TRAF2: variants seen among roughly 807,000 people sequenced by gnomAD.
The protein encoded by TRAF2 is TNF receptor associated factor 2, also known as TNF receptor-associated factor 2.
A neutral mutation model predicts 55.6 loss-of-function variants in TRAF2; 6 were observed. The ratio of observed to expected loss-of-function variants is 0.11; its 90% CI spans 0.06 to 0.21. The LOEUF is 0.21. Ranked by LOEUF, TRAF2 falls within the 10% of genes least tolerant of loss-of-function variation. TRAF2 has a pLI of 1.00. For missense variants in TRAF2, 561 were observed against 684.5 expected (o/e 0.82, Z 2.01); for synonymous variants, 329 against 276.3 (o/e 1.19, Z -1.89).
At chr9:136,900,080 T>C (rs1035340452) in intron 3 of TRAF2, among the ~76,000 whole-genome samples, 8 of 151,580 alleles carry the variant, frequency 5.3e-5, no homozygotes, top group Non-Finnish European at 1.0e-4. Flanking sequence ...AGTGGGAGGA[T>C]TGCTTGAGGC....
At chr9:136,924,472 G>A (rs1850472480) in intron 10 of TRAF2, among the ~76,000 whole-genome samples, 1 of 152,040 alleles carries the variant, frequency 6.6e-6, no homozygotes, top group African/African-American at 2.4e-5. Context: ...TAAGGCAGGA[G>A]CATTGCTTGA....
chr9:136,885,460 G>A (rs934589897), upstream of TRAF2, among the ~76,000 whole-genome samples: 4 of 152,168 alleles, frequency 2.6e-5, no homozygotes, highest in African/African-American at 7.2e-5. Flanking sequence ...CCCCCATGCA[G>A]CCCACAGGAC....
chr9:136,904,377 T>C (rs1454212289), intron 4 of TRAF2, among the ~76,000 whole-genome samples: 1 of 152,016 alleles, frequency 6.6e-6, no homozygotes, highest in African/African-American at 2.4e-5. Flanking sequence ...GCCATTTTAC[T>C]ATGTTTTAAA....
chr9:136,883,331 G>A (rs1354509910), upstream of TRAF2, among the ~76,000 whole-genome samples: 3 of 152,188 alleles, frequency 2.0e-5, no homozygotes, highest in African/African-American at 7.2e-5. Flanking sequence ...GTGGGCATTT[G>A]CCAAGCTTGG....
chr9:136,922,609 GGACGAGGAT>G, intron 9 of TRAF2: 1 of 157,274 alleles, frequency 6.4e-6, no homozygotes, highest in African/African-American at 2.4e-5. Context: ...GCACGGTGGA[GGACGAGGAT>G]GGGGAGGATG....
At chr9:136,883,272 C>G (rs1480835398), upstream of TRAF2, among the ~76,000 whole-genome samples, 5 of 152,134 alleles carry the variant, frequency 3.3e-5, no homozygotes, top group African/African-American at 9.7e-5. Context: ...TACTCTGAGA[C>G]TGGGCGGCAC....
At position 136,911,975 on chromosome 9, in the gene TRAF2, G is replaced by A. The variant is rs535205295; in HGVS notation, c.603+1981G>A. Among the ~76,000 whole-genome samples the A allele has an allele frequency of 4.5e-3, 661 of 147,284 alleles. 5 individuals are homozygous for A. Among genetic ancestry groups the A allele is most frequent in the African/African-American group, 0.016 (628 of 39,532 alleles). On this transcript the variant is annotated intron_variant, in intron 6 of 10. Coordinates refer to ENST00000247668, the MANE Select transcript of TRAF2 (RefSeq NM_021138.4). ...CGCCATTCTCCTGCCTCAGCCTCCC[G>A]AGTAGCTGGGACTACAGGCGCCTGC...
At chr9:136,916,458 GTGTC>G (rs1850243946) in intron 6 of TRAF2, 79 bp from the exon 7 acceptor site, 1 of 1,408,338 alleles carries the variant, frequency 7.1e-7, no homozygotes, top group South Asian at 1.2e-5. Flanking sequence ...TGTAACCTCT[GTGTC>G]AGTCAGTGTG....
intron 1 of TRAF2, chr9:136,890,256 G>A (rs988223236): frequency 2.4e-4 from 37 of 152,386 alleles, no homozygotes; most frequent in African/African-American, 8.2e-4. Context: ...TGGCACTTTT[G>A]TTTTTAGCTG....
chr9:136,907,549 G>C (rs1849983563), intron 4 of TRAF2, among the ~76,000 whole-genome samples: 2 of 152,238 alleles, frequency 1.3e-5, no homozygotes, highest in Admixed American at 1.3e-4. Context: ...TGGCTTCCTG[G>C]TGCTGGAGGC....
chr9:136,926,118 G>T lies in TRAF2; in HGVS notation c.*217G>T, dbSNP rs746360575. The T allele has an allele frequency of 4.0e-6, 3 of 747,386 alleles. No homozygotes were observed. Among genetic ancestry groups the T allele is most frequent in the Admixed American group, 1.8e-5 (1 of 55,148 alleles). 46.3% of individuals were successfully genotyped at this position (747,386 alleles called of 1,614,324 possible). A position where few individuals can be genotyped will look rare whatever the true frequency, so the allele number is the denominator to read the frequency against. ...AGACTGCGGAGGGGCTTGGCAGACG[G>T]TCTTAGCCAAGGGCTGTGGTGGCAT... On this transcript the variant is annotated 3_prime_UTR_variant, in exon 11 of 11. Transcript: ENST00000247668.
intron 4 of TRAF2, among the ~76,000 whole-genome samples, chr9:136,904,225 A>G (rs973850029): frequency 3.3e-5 from 5 of 152,114 alleles, no homozygotes; most frequent in African/African-American, 1.2e-4. Flanking sequence ...ATTTTTAGAA[A>G]TAGAGTCTCG....
chr9:136,886,506 G>C, upstream of TRAF2: 1 of 999,004 alleles, frequency 1.0e-6, no homozygotes, highest in Non-Finnish European at 1.2e-6. Context: ...CGGTAGCTGG[G>C]CGGGCCCTTA....
chr9:136,887,146 C>G (rs1018922939), intron 1 of TRAF2, among the ~76,000 whole-genome samples: 23 of 152,126 alleles, frequency 1.5e-4, no homozygotes, highest in Non-Finnish European at 2.9e-4. Flanking sequence ...CCTCTGGCTG[C>G]TGGGAGGGTC....
At chr9:136,890,207 G>C (rs1322204585) in intron 1 of TRAF2, 1 of 151,752 alleles carries the variant, frequency 6.6e-6, no homozygotes, top group African/African-American at 2.4e-5. Context: ...ATGTGTGAGA[G>C]TCCCCACCAC....
chr9:136,920,620 A>G (rs1850362050), intron 8 of TRAF2, 105 bp downstream of exon 8: 4 of 1,384,044 alleles, frequency 2.9e-6, no homozygotes, highest in Non-Finnish European at 3.8e-6. Context: ...GAGCCCGGAC[A>G]ATGTAGAACT....
intron 1 of TRAF2, among the ~76,000 whole-genome samples, chr9:136,890,191 C>CA (rs1849551971): frequency 2.0e-5 from 3 of 151,776 alleles, no homozygotes; most frequent in Admixed American, 2.0e-4. Flanking sequence ...TTCAGTCGGT[C>CA]ACCGCATGTG....
chr9:136,898,701 G>A lies in TRAF2; in HGVS notation c.-28-12G>A, dbSNP rs933208765. On this transcript the variant is annotated splice_polypyrimidine_tract_variant and intron_variant, in intron 1 of 10. Coordinates refer to ENST00000247668, the MANE Select transcript of TRAF2 (RefSeq NM_021138.4). Reference sequence around the variant, plus strand: ...GGAATTGAGGTGTAACGTGCTGTGTGTTCTTCCTTAGGGCTTTGTTCGCGG... The same window carrying A: ...GGAATTGAGGTGTAACGTGCTGTGTATTCTTCCTTAGGGCTTTGTTCGCGG... 4.3e-6 allele frequency: 7 copies of A among 1,611,644 alleles called. No individual in the cohort carries two copies. Among genetic ancestry groups the A allele is most frequent in the Non-Finnish European group, 5.9e-6 (7 of 1,179,822 alleles).
chr9:136,897,534 G>A (rs1014038556), intron 1 of TRAF2, among the ~76,000 whole-genome samples: 15 of 152,018 alleles, frequency 9.9e-5, no homozygotes, highest in African/African-American at 3.1e-4. Context: ...AGGGAAACCC[G>A]TGGTAGCTAA....
Sources: gnomAD v4.1 joint callset for allele counts (sites outside exome capture counted in the v4.1 genomes callset) on GRCh38, gnomAD v4.1.1 for gene constraint, MANE v1.5 for transcripts, NCBI Gene and HGNC (gene_info 2026-07-23, HGNC 2026-07-21) for gene names.